R3HDM1: variants seen among roughly 807,000 people sequenced by gnomAD.
R3HDM1 encodes the protein R3H domain-containing protein 1.
A neutral mutation model predicts 141.1 loss-of-function variants in R3HDM1; 46 were observed. That is an observed-to-expected ratio of 0.33 (90% CI 0.26 to 0.42). R3HDM1 has a LOEUF of 0.42. R3HDM1 is among the 10% of genes least tolerant of loss of function. R3HDM1 has a pLI of 1.00. For missense variants in R3HDM1, 1,184 were observed against 1,368.3 expected (o/e 0.87, Z 2.12); for synonymous variants, 435 against 472.9 (o/e 0.92, Z 1.04).
intron 21 of R3HDM1, among the ~76,000 whole-genome samples, chr2:135,701,346 T>C (rs2074178768): frequency 6.6e-6 from 1 of 151,936 alleles, no homozygotes; most frequent in African/African-American, 2.4e-5. Context: ...AAGGTTACAG[T>C]GAGCTACAAT....
In R3HDM1 at chr2:135,638,807, T is replaced by C; in HGVS notation, c.992+18T>C. ...ATATTTAGGTATTGGAAGCATGTTT[T>C]CAATACAGTATTGAAAAATTAAAGC... On this transcript the variant is annotated intron_variant, in intron 13 of 26. Coordinates refer to ENST00000683871, the MANE Select transcript of R3HDM1 (RefSeq NM_001378107.1). The C allele has an allele frequency of 6.2e-7, 1 of 1,613,790 alleles. No homozygotes were observed. Among genetic ancestry groups the C allele is most frequent in the Non-Finnish European group, 8.5e-7 (1 of 1,179,730 alleles).
At chr2:135,577,346 T>C (rs1448473364) in intron 1 of R3HDM1, 1 of 312,030 alleles carries the variant, frequency 3.2e-6, no homozygotes, top group African/African-American at 2.4e-5. Context: ...TATACTACAC[T>C]TGATTTTAGC....
chr2:135,636,051 T>C (rs995941868), intron 10 of R3HDM1, 37 bp from the exon 11 acceptor site: 4 of 1,610,810 alleles, frequency 2.5e-6, no homozygotes, highest in South Asian at 1.1e-5. Flanking sequence ...ACTATACCAG[T>C]AGTTCATTTG....
At chr2:135,622,065 T>C (rs969068657) in intron 6 of R3HDM1, 16 of 984,498 alleles carry the variant, frequency 1.6e-5, no homozygotes, top group Non-Finnish European at 1.6e-5. Context: ...AAATGCTTTT[T>C]AAATTTAAAA....
chr2:135,646,803 A>G lies in R3HDM1; in HGVS notation c.1623+1276A>G, dbSNP rs904085577. 2.0e-5 allele frequency among the ~76,000 whole-genome samples: 3 copies of G among 149,912 alleles called. No individual in the cohort carries two copies. The Admixed American group carries it at 2.0e-4, about 10-fold the overall frequency. On this transcript the variant is annotated intron_variant, in intron 16 of 26. Coordinates refer to ENST00000683871, the MANE Select transcript of R3HDM1 (RefSeq NM_001378107.1). ...GGTTGCAGTGAGCCGAGATCAGGCCACTCCACTCCAGCCTGGGTAACAGAG... is the reference window on the plus strand; with the variant it reads ...GGTTGCAGTGAGCCGAGATCAGGCCGCTCCACTCCAGCCTGGGTAACAGAG...
intron 1 of R3HDM1, among the ~76,000 whole-genome samples, chr2:135,538,097 T>C (rs1696625668): frequency 6.6e-6 from 1 of 152,228 alleles, no homozygotes; most frequent in African/African-American, 2.4e-5. Flanking sequence ...AACTACATGG[T>C]ATATAGCCTT....
chr2:135,556,213 G>A (rs1169052400), intron 1 of R3HDM1, among the ~76,000 whole-genome samples: 1 of 152,210 alleles, frequency 6.6e-6, no homozygotes, highest in Non-Finnish European at 1.5e-5. Flanking sequence ...CTTGGGCTGG[G>A]AGAATGGAGG....
chr2:135,707,887 C>CT (rs1425955161), intron 21 of R3HDM1, among the ~76,000 whole-genome samples: 2 of 152,162 alleles, frequency 1.3e-5, no homozygotes, highest in Admixed American at 1.3e-4. Flanking sequence ...CTTTATATCT[C>CT]TTTTTCCCTT....
At chr2:135,585,291 T>C (rs1707632000) in intron 1 of R3HDM1, among the ~76,000 whole-genome samples, 1 of 152,252 alleles carries the variant, frequency 6.6e-6, no homozygotes, top group Non-Finnish European at 1.5e-5. Context: ...TGGTATCTTT[T>C]AGTGTTTGTC....
intron 21 of R3HDM1, among the ~76,000 whole-genome samples, chr2:135,689,295 A>G (rs1220402878): frequency 6.6e-6 from 1 of 152,180 alleles, no homozygotes; most frequent in African/African-American, 2.4e-5. Flanking sequence ...TTATTAGTAG[A>G]TTTTCATCTG....
intron 1 of R3HDM1, among the ~76,000 whole-genome samples, chr2:135,588,610 T>C (rs137859433): frequency 6.6e-6 from 1 of 152,286 alleles, no homozygotes; most frequent in South Asian, 2.1e-4. Flanking sequence ...GAGAAACTTA[T>C]GCTTGAGGTC....
chr2:135,709,327 C>G, intron 21 of R3HDM1, 106 bp from the exon 22 acceptor site: 1 of 1,469,026 alleles, frequency 6.8e-7, no homozygotes, highest in East Asian at 2.5e-5. Context: ...CCCGCCTTGG[C>G]CTCCCAAAGT....
rs2076958395 is a variant in R3HDM1 at position 135,723,963 on chromosome 2, G to T, written c.3076G>T (p.Glu1026Ter). 6.2e-7 allele frequency: 1 copy of T among 1,612,826 alleles called. No individual in the cohort carries two copies. The highest frequency in any genetic ancestry group is 1.3e-5 in the African/African-American group (1 of 74,786). Residue 1026 changes from glutamate (E) to a stop codon, truncating the protein, a stop_gained, in exon 27 of 27, where the codon GAA becomes TAA. Transcript: ENST00000683871. LOFTEE classifies it high-confidence loss of function. ...TVVGKVLEIT[E>*]LPDGITRMEA... The stretch of plus-strand genomic sequence containing the variant: ...TGTTGGGAAGGTCTTGGAAATTACT[G>T]AACTACCAGATGGAATAACTCGCAT...
chr2:135,549,713 T>G (rs551978401), intron 1 of R3HDM1, among the ~76,000 whole-genome samples: 1 of 151,946 alleles, frequency 6.6e-6, no homozygotes, highest in South Asian at 2.1e-4. Flanking sequence ...AGAAAACAGG[T>G]TAGAGTTTAC....
At chr2:135,677,749 G>T (rs1175820290) in intron 20 of R3HDM1, among the ~76,000 whole-genome samples, 1 of 152,214 alleles carries the variant, frequency 6.6e-6, no homozygotes, top group Non-Finnish European at 1.5e-5. Context: ...CTGCTTTAAA[G>T]TGTGGCTCCT....
In R3HDM1 at chr2:135,724,039, G is replaced by A. The variant is rs962723691; in HGVS notation, c.3152G>A (p.Arg1051Gln). 1.2e-5 allele frequency: 20 copies of A among 1,613,824 alleles called. No homozygotes were observed. The highest frequency in any genetic ancestry group is 2.7e-5 in the African/African-American group (2 of 74,842). ...CTCTTTAAAATTGGCGCCAAGATCC[G>A]GTGGCTCCGGGACCCCCAGTCCCAA... ...GELFKIGAKI[R>Q]WLRDPQSQPR... Residue 1051 changes from arginine to glutamine, a missense_variant, in exon 27 of 27, where the codon CGG becomes CAG. Arg to Gln is a conservative substitution (Grantham distance 43). This residue lies in a region of R3HDM1 where 182 missense variants were observed against 252.6 expected (regional missense o/e 0.72). Transcript: ENST00000683871.
chr2:135,623,710 T>C (rs1559273015), intron 7 of R3HDM1, among the ~76,000 whole-genome samples: 1 of 152,024 alleles, frequency 6.6e-6, no homozygotes, highest in Non-Finnish European at 1.5e-5. Flanking sequence ...TTTATGAGTC[T>C]ATTGAACAGC....
intron 1 of R3HDM1, among the ~76,000 whole-genome samples, chr2:135,574,009 A>G (rs556048452): frequency 6.6e-6 from 1 of 152,312 alleles, no homozygotes; most frequent in Non-Finnish European, 1.5e-5. Context: ...CCAGAAGGAA[A>G]TAATAAGGAT....
chr2:135,708,764 A>C (rs2075252243), intron 21 of R3HDM1, among the ~76,000 whole-genome samples: 1 of 152,100 alleles, frequency 6.6e-6, no homozygotes, highest in Non-Finnish European at 1.5e-5. Context: ...GTTCAAGACC[A>C]GCCTGGCCAA....
Sources: allele counts gnomAD v4.1 joint callset (sites outside exome capture counted in the v4.1 genomes callset), GRCh38; gene constraint gnomAD v4.1.1; regional missense constraint gnomAD v4.1.1; transcripts MANE v1.5; gene names NCBI Gene and HGNC (gene_info 2026-07-23, HGNC 2026-07-21).